Variants in INPP5K observed in about 807,000 individuals in gnomAD.
INPP5K encodes the protein inositol polyphosphate-5-phosphatase K.
A neutral mutation model predicts 53.5 loss-of-function variants in INPP5K; 35 were observed. That is an observed-to-expected ratio of 0.65 (90% CI 0.50 to 0.87). INPP5K has a LOEUF of 0.87. Ranked by LOEUF, INPP5K falls within the 40% of genes least tolerant of loss-of-function variation. The probability of loss-of-function intolerance (pLI) is 0.00; values close to 1 mark genes in which losing one functional copy is unlikely to be tolerated. For missense variants in INPP5K, 550 were observed against 586.2 expected (o/e 0.94, Z 0.64); for synonymous variants, 253 against 232.8 (o/e 1.09, Z -0.79).
At chr17:1,495,989 G>A (rs1294647716) in intron 11 of INPP5K, 71 bp downstream of exon 11, 2 of 1,412,938 alleles carry the variant, frequency 1.4e-6, no homozygotes, top group Middle Eastern at 1.8e-4. Flanking sequence ...TGGCTCCCAG[G>A]CCTGGGCCTC....
At chr17:1,504,131 C>A (rs2075100601) in intron 7 of INPP5K, among the ~76,000 whole-genome samples, 2 of 152,320 alleles carry the variant, frequency 1.3e-5, no homozygotes, top group South Asian at 4.2e-4. Flanking sequence ...GACTAACTCC[C>A]AGGCTTGGTA....
intron 7 of INPP5K, among the ~76,000 whole-genome samples, chr17:1,502,395 TTCTC>T (rs1344623218): frequency 2.0e-5 from 3 of 151,970 alleles, no homozygotes; most frequent in African/African-American, 4.8e-5. Context: ...CAAATGCACG[TTCTC>T]TCTTTCAAAG....
chr17:1,497,958 A>G lies in INPP5K; in HGVS notation c.941T>C (p.Val314Ala). The change falls in exon 8 of 12, where the codon GTC (valine) becomes GCC (alanine). Residue 314 changes from valine (V) to alanine (A), a missense_variant. By Grantham distance (64) the Val-to-Ala change is moderately conservative (BLOSUM62 0). Coordinates refer to ENST00000421807, the MANE Select transcript of INPP5K (RefSeq NM_016532.4). ...MTYGISDHKP[V>A]SGTFDLELKP... Reference sequence around the variant, plus strand: ...CACCTCCAAGTCGAACGTGCCGGAGACAGGCTTGTGGTCGCTGATGCCGTA... The same window carrying G: ...CACCTCCAAGTCGAACGTGCCGGAGGCAGGCTTGTGGTCGCTGATGCCGTA... 1.9e-6 allele frequency: 3 copies of G among 1,613,760 alleles called. No individual in the cohort carries two copies. The highest frequency in any genetic ancestry group is 2.5e-6 in the Non-Finnish European group (3 of 1,179,720).
chr17:1,512,225 A>G (rs1029647653), intron 3 of INPP5K, among the ~76,000 whole-genome samples: 8 of 152,200 alleles, frequency 5.3e-5, no homozygotes, highest in Admixed American at 2.6e-4. Flanking sequence ...CCTTGGCTCA[A>G]TTCCATCCTA....
rs1244969863 is a variant in INPP5K at position 1,502,202 on chromosome 17, A to G, written c.777-4080T>C. ...GTCTCTACTAAAAATACAAAAAATT[A>G]GCCAGGCGTGGTGACGGGCGCCTGT... On this transcript the variant is annotated intron_variant, in intron 7 of 11. Coordinates refer to ENST00000421807, the MANE Select transcript of INPP5K (RefSeq NM_016532.4). Among the ~76,000 whole-genome samples the G allele has an allele frequency of 2.0e-5, 3 of 148,468 alleles. No individual in the cohort carries two copies. The East Asian group carries it at 6.0e-4, about 30-fold the overall frequency.
chr17:1,497,467 C>G (rs2150977969), intron 8 of INPP5K, among the ~76,000 whole-genome samples: 1 of 152,204 alleles, frequency 6.6e-6, no homozygotes, highest in Middle Eastern at 3.4e-3. Flanking sequence ...GAACGAGACC[C>G]TAACACACAC....
At position 1,516,473 on chromosome 17, in the gene INPP5K, C is replaced by T; in HGVS notation, c.27G>A (p.Pro9=). The T allele has an allele frequency of 6.3e-7, 1 of 1,589,714 alleles. No individual in the cohort carries two copies. Among genetic ancestry groups the T allele is most frequent in the Non-Finnish European group, 8.5e-7 (1 of 1,176,286 alleles). Residue 9 remains proline (P), a synonymous_variant, in exon 1 of 12, where the codon CCG becomes CCA. Coordinates refer to ENST00000421807, the MANE Select transcript of INPP5K (RefSeq NM_016532.4). ...GCCCTCACCTGAGCCTCCTGCCTTT[C>T]GGCCCGCTCAGCTTCCGCGAGCTCA... MSSRKLSG[P]KGRRLSIHVV...
In INPP5K at chr17:1,496,136, G is replaced by A. The variant is rs780760951; in HGVS notation, c.1214C>T (p.Thr405Ile). ...QVYIDISNIP[T>I]TEDEFLLCYY... ...ACAGAGGAGAAACTCATCTTCAGTG[G>A]TAGGGATATTGCTGATGTCGATGTA... The change falls in exon 11 of 12, where the codon ACC (threonine) becomes ATC (isoleucine). Residue 405 changes from threonine (T) to isoleucine (I), a missense_variant. By Grantham distance (89) the Thr-to-Ile change is moderately conservative. Coordinates refer to ENST00000421807, the MANE Select transcript of INPP5K (RefSeq NM_016532.4). 6.2e-7 allele frequency: 1 copy of A among 1,612,864 alleles called. No individual in the cohort carries two copies. The highest frequency in any genetic ancestry group is 8.5e-7 in the Non-Finnish European group (1 of 1,178,870).
chr17:1,501,696 T>C (rs766509211), intron 7 of INPP5K, among the ~76,000 whole-genome samples: 3 of 152,158 alleles, frequency 2.0e-5, no homozygotes, highest in Admixed American at 6.6e-5. Flanking sequence ...GAATCTGCCT[T>C]GGACAGCAGG....
intron 6 of INPP5K, 74 bp from the exon 7 acceptor site, chr17:1,507,163 G>C (rs78092914): frequency 0.059 from 65,217 of 1,099,456 alleles, 2,308 homozygotes; most frequent in Non-Finnish European, 0.073. Context: ...CCATTCAAGG[G>C]ATCAGCACAT....
intron 1 of INPP5K, among the ~76,000 whole-genome samples, chr17:1,514,900 C>T (rs911948346): frequency 2.0e-5 from 3 of 149,526 alleles, no homozygotes; most frequent in African/African-American, 5.0e-5. Context: ...AGCACTTCAG[C>T]GAGACTTTTT....
At position 1,515,892 on chromosome 17, in the gene INPP5K, A is replaced by C. The variant is rs544245546; in HGVS notation, c.44+564T>G. 2.0e-5 allele frequency: 20 copies of C among 985,762 alleles called. No homozygotes were observed. In the African/African-American group the frequency reaches 2.8e-4, roughly 14 times the overall value. The allele number at this position is 985,762 out of a possible 1,614,324, so 61.1% of individuals were successfully genotyped here. A position where few individuals can be genotyped will look rare whatever the true frequency, so the allele number is the denominator to read the frequency against. On this transcript the variant is annotated intron_variant, in intron 1 of 11. Coordinates refer to ENST00000421807, the MANE Select transcript of INPP5K (RefSeq NM_016532.4). The stretch of plus-strand genomic sequence containing the variant: ...GACTTCTTTTCCCAGACTCACTCTA[A>C]GAGGATGGAGAGCAAAAGTCCGGAT...
At chr17:1,513,372 G>A (rs2075352432) in intron 3 of INPP5K, 81 bp downstream of exon 3, 2 of 1,064,602 alleles carry the variant, frequency 1.9e-6, no homozygotes, top group Non-Finnish European at 2.9e-6. Context: ...AGGAGTAAGA[G>A]GAACACATCA....
chr17:1,515,439 T>G, intron 1 of INPP5K: 1 of 985,534 alleles, frequency 1.0e-6, no homozygotes, highest in Non-Finnish European at 1.2e-6. Flanking sequence ...ATGTCTTTAG[T>G]GGAACAGTCA....
At chr17:1,497,352 T>C (rs2150977881) in intron 8 of INPP5K, among the ~76,000 whole-genome samples, 1 of 152,190 alleles carries the variant, frequency 6.6e-6, no homozygotes, top group African/African-American at 2.4e-5. Context: ...GCACCTGTAG[T>C]CCCGCTACTA....
intron 3 of INPP5K, chr17:1,510,448 C>T: frequency 6.6e-6 from 1 of 152,438 alleles, no homozygotes; most frequent in Non-Finnish European, 1.5e-5. Context: ...CTCAGGTGAT[C>T]TGCCTGCCTT....
chr17:1,513,528 G>A lies in INPP5K; in HGVS notation c.186C>T (p.Leu62=). ...LQELNSGIIS[L]LSDAAFNDSW... ...AGTCATTAAAGGCAGCATCGGAAAG[G>A]AGGCTTATGATCCCAGAGTTCAATT... The change falls in exon 3 of 12, where the codon CTC becomes CTT. Residue 62 remains leucine, a synonymous_variant. Coordinates refer to ENST00000421807, the MANE Select transcript of INPP5K (RefSeq NM_016532.4). 1 of 1,614,244 alleles carries A rather than the reference G, an allele frequency of 6.2e-7. No homozygotes were observed. The highest frequency in any genetic ancestry group is 1.7e-5 in the Admixed American group (1 of 60,024).
chr17:1,509,616 C>T, intron 4 of INPP5K, 67 bp downstream of exon 4: 4 of 1,107,770 alleles, frequency 3.6e-6, no homozygotes, highest in Admixed American at 1.8e-5. Flanking sequence ...CTTCCTTTTT[C>T]TTTTGCCCAG....
At chr17:1,507,429 G>A in intron 6 of INPP5K, 1 of 283,738 alleles carries the variant, frequency 3.5e-6, no homozygotes. Context: ...CTCCAAAGGG[G>A]CACCTCACCC....
Sources: gnomAD v4.1 joint callset for allele counts (sites outside exome capture counted in the v4.1 genomes callset) on GRCh38, gnomAD v4.1.1 for gene constraint, MANE v1.5 for transcripts, NCBI Gene and HGNC (gene_info 2026-07-23, HGNC 2026-07-21) for gene names.